Variants in LRRTM4 observed in about 807,000 individuals in gnomAD.
LRRTM4 encodes the protein leucine-rich repeat transmembrane neuronal protein 4.
Under a neutral mutation model 47.6 loss-of-function variants are expected in LRRTM4, and 25 were observed. The observed-to-expected ratio is 0.53, with a 90% CI of 0.38 to 0.73. The LOEUF (loss-of-function observed/expected upper bound fraction) is 0.73, where lower values mean the gene tolerates loss of function less well. Ranked by LOEUF, LRRTM4 falls within the 30% of genes least tolerant of loss-of-function variation. LRRTM4 has a pLI of 0.00. For synonymous variants in LRRTM4, 311 were observed against 269.5 expected (o/e 1.15, Z -1.51); for missense variants, 638 against 713.4 (o/e 0.89, Z 1.20).
At chr2:76,858,657 G>T (rs1270798031) in intron 3 of LRRTM4, among the ~76,000 whole-genome samples, 1 of 152,144 alleles carries the variant, frequency 6.6e-6, no homozygotes, top group Non-Finnish European at 1.5e-5. Flanking sequence ...GTAATAAATA[G>T]ATATTTTACT....
intron 3 of LRRTM4, among the ~76,000 whole-genome samples, chr2:76,756,390 A>G (rs1321142568): frequency 6.6e-6 from 1 of 152,132 alleles, no homozygotes; most frequent in East Asian, 1.9e-4. Flanking sequence ...CCTAAATTGT[A>G]TAAAACAGAG....
chr2:76,959,246 T>G (rs1231860372), intron 3 of LRRTM4, among the ~76,000 whole-genome samples: 1 of 151,730 alleles, frequency 6.6e-6, no homozygotes, highest in Non-Finnish European at 1.5e-5. Flanking sequence ...TATTATGTTT[T>G]CATCATGATA....
intron 3 of LRRTM4, among the ~76,000 whole-genome samples, chr2:77,089,909 C>T (rs755756426): frequency 1.3e-4 from 20 of 152,022 alleles, no homozygotes; most frequent in Admixed American, 2.6e-4. Flanking sequence ...ACATCAGTCC[C>T]TTCCTAGTCT....
rs1407833575 is a variant in LRRTM4 at position 76,945,767 on chromosome 2, GTGTGTGTA to G, written c.1552-196859_1552-196852del. On this transcript the variant is annotated intron_variant, in intron 3 of 3. Coordinates refer to ENST00000409884, the MANE Select transcript of LRRTM4 (RefSeq NM_001134745.3). ...TGAGTGTGTAGAAGTGTGTGTGTGT[GTGTGTGTA>G]TGTGTATGTATTTATTTCAAAACAT... is the stretch of plus-strand genomic sequence containing the variant. Among the ~76,000 whole-genome samples the G allele has an allele frequency of 2.8e-4, 42 of 151,864 alleles. 1 individual carries two copies. The South Asian group carries it at 8.4e-3, about 30-fold the overall frequency.
In LRRTM4 at chr2:77,349,780, T is replaced by A. The variant is rs77469012; in HGVS notation, c.1551+168538A>T. Reference sequence around the variant, plus strand: ...CACACAAATAAATTTCCAGCATATATGAAAATGTTATGAAAGTAGTGTTAT... The same window carrying A: ...CACACAAATAAATTTCCAGCATATAAGAAAATGTTATGAAAGTAGTGTTAT... On this transcript the variant is annotated intron_variant, in intron 3 of 3. Transcript: ENST00000409884. 9.3e-4 allele frequency among the ~76,000 whole-genome samples: 142 copies of A among 152,204 alleles called. 1 individual carries two copies. In the East Asian group the frequency reaches 0.024, roughly 25 times the overall value.
At chr2:76,835,203 T>A (rs1671474393) in intron 3 of LRRTM4, among the ~76,000 whole-genome samples, 1 of 152,068 alleles carries the variant, frequency 6.6e-6, no homozygotes, top group Non-Finnish European at 1.5e-5. Context: ...TAAAACTTAT[T>A]AAATTGTACA....
chr2:76,940,171 CA>C, intron 3 of LRRTM4, among the ~76,000 whole-genome samples: 1 of 152,106 alleles, frequency 6.6e-6, no homozygotes, highest in African/African-American at 2.4e-5. Context: ...GTAATTCTAT[CA>C]AAAAGACACA....
chr2:76,935,578 G>A (rs1055599786), intron 3 of LRRTM4, among the ~76,000 whole-genome samples: 1 of 152,144 alleles, frequency 6.6e-6, no homozygotes, highest in African/African-American at 2.4e-5. Flanking sequence ...TCCCTTGTAA[G>A]TTGTATTCCT....
chr2:76,821,085 T>C (rs17013207), intron 3 of LRRTM4, among the ~76,000 whole-genome samples: 64,893 of 151,422 alleles, frequency 0.43, 14,543 homozygotes, highest in East Asian at 0.68. Context: ...TAGAAGACAC[T>C]GATGAACACA....
At chr2:77,325,569 A>T (rs1395046661) in intron 3 of LRRTM4, among the ~76,000 whole-genome samples, 1 of 152,122 alleles carries the variant, frequency 6.6e-6, no homozygotes, top group Admixed American at 6.6e-5. Flanking sequence ...CCTCTTGAAG[A>T]TATGTAATTG....
chr2:77,091,551 G>C (rs142166059), intron 3 of LRRTM4, among the ~76,000 whole-genome samples: 24,301 of 132,758 alleles, frequency 0.18, 1,428 homozygotes, highest in African/African-American at 0.41. Context: ...TCCACCCCGT[G>C]GTGCCAAACC....
At chr2:76,822,248 C>T (rs1241865882) in intron 3 of LRRTM4, among the ~76,000 whole-genome samples, 2 of 150,914 alleles carry the variant, frequency 1.3e-5, no homozygotes, top group Non-Finnish European at 3.0e-5. Context: ...GATACTAAGG[C>T]CTGAAATGAT....
intron 3 of LRRTM4, among the ~76,000 whole-genome samples, chr2:77,074,499 C>A (rs141607368): frequency 8.5e-5 from 13 of 152,188 alleles, no homozygotes; most frequent in African/African-American, 3.1e-4. Flanking sequence ...GAATATTCAA[C>A]ACCCCTGTTA....
intron 3 of LRRTM4, among the ~76,000 whole-genome samples, chr2:76,879,944 A>C (rs1429842095): frequency 6.6e-6 from 1 of 152,264 alleles, no homozygotes; most frequent in African/African-American, 2.4e-5. Context: ...AACTAGAGTT[A>C]AAAGTGGAAC....
intron 3 of LRRTM4, among the ~76,000 whole-genome samples, chr2:77,075,803 T>A (rs1054642306): frequency 3.4e-4 from 49 of 145,298 alleles, no homozygotes; most frequent in Non-Finnish European, 2.6e-4. Context: ...TAGTCCCAGC[T>A]ACTTGGGAGG....
intron 3 of LRRTM4, among the ~76,000 whole-genome samples, chr2:76,881,738 GT>G (rs901901423): frequency 6.6e-6 from 1 of 151,888 alleles, no homozygotes; most frequent in Non-Finnish European, 1.5e-5. Flanking sequence ...TTATATAACA[GT>G]TTTTTCCCCA....
At position 76,800,476 on chromosome 2, in the gene LRRTM4, G is replaced by A. The variant is rs561111214; in HGVS notation, c.1552-51560C>T. Reference sequence around the variant, plus strand: ...TTCAAGATGGATTAAAGACTTAAACGTTAGACCTAAAACCATAAAAACCCT... The same window carrying A: ...TTCAAGATGGATTAAAGACTTAAACATTAGACCTAAAACCATAAAAACCCT... On this transcript the variant is annotated intron_variant, in intron 3 of 3. Coordinates refer to ENST00000409884, the MANE Select transcript of LRRTM4 (RefSeq NM_001134745.3). 4.8e-3 allele frequency among the ~76,000 whole-genome samples: 662 copies of A among 138,948 alleles called. 3 individuals are homozygous for A. The highest frequency in any genetic ancestry group is 0.014 in the East Asian group (63 of 4,618). The allele number at this position is 138,948 out of a possible 152,430, so 91.2% of individuals were successfully genotyped here. A position where few individuals can be genotyped will look rare whatever the true frequency, so the allele number is the denominator to read the frequency against.
At chr2:77,156,482 T>C (rs890403608) in intron 3 of LRRTM4, among the ~76,000 whole-genome samples, 18 of 152,066 alleles carry the variant, frequency 1.2e-4, no homozygotes, top group Non-Finnish European at 2.6e-4. Flanking sequence ...GAAAAATGAA[T>C]CAATCAGAGC....
intron 3 of LRRTM4, among the ~76,000 whole-genome samples, chr2:76,972,552 G>A (rs569026705): frequency 6.6e-6 from 1 of 151,462 alleles, no homozygotes; most frequent in Non-Finnish European, 1.5e-5. Flanking sequence ...TGAGTAGCTG[G>A]GACTACAGTT....
Sources: allele counts gnomAD v4.1 joint callset (sites outside exome capture counted in the v4.1 genomes callset), GRCh38; gene constraint gnomAD v4.1.1; transcripts MANE v1.5; gene names NCBI Gene and HGNC (gene_info 2026-07-23, HGNC 2026-07-21).